Variants in KCNC4 observed in about 807,000 individuals in gnomAD.
The protein encoded by KCNC4 is potassium voltage-gated channel subfamily C member 4, also known as voltage-gated potassium channel KCNC4.
A neutral mutation model predicts 42.8 loss-of-function variants in KCNC4; 23 were observed. That is an observed-to-expected ratio of 0.54 (90% CI 0.39 to 0.76). The LOEUF (loss-of-function observed/expected upper bound fraction) is 0.76. Among genes scored for constraint, KCNC4 ranks in the 30% least tolerant of loss-of-function variants. The pLI is 0.00. For synonymous variants in KCNC4, 422 were observed against 393.5 expected (o/e 1.07, Z -0.86); for missense variants, 751 against 898.2 (o/e 0.84, Z 2.10).
chr1:110,227,537 C>T (rs938492144), intron 3 of KCNC4, among the ~76,000 whole-genome samples: 7 of 152,250 alleles, frequency 4.6e-5, no homozygotes, highest in Admixed American at 3.3e-4. Flanking sequence ...TCTACCCTCG[C>T]CTGTGTTCCT....
intron 1 of KCNC4, among the ~76,000 whole-genome samples, chr1:110,217,348 T>C (rs1657853048): frequency 6.6e-6 from 1 of 152,208 alleles, no homozygotes; most frequent in East Asian, 1.9e-4. Context: ...TGTAGGATAC[T>C]GACTTAGTGC....
At chr1:110,275,361 A>G (rs1006770294) in intron 1 of KCNC4, among the ~76,000 whole-genome samples, 5 of 152,178 alleles carry the variant, frequency 3.3e-5, no homozygotes, top group African/African-American at 1.2e-4. Context: ...TCAAAAAAAT[A>G]GATGTTGGTG....
chr1:110,226,220 G>T, intron 3 of KCNC4, 42 bp downstream of exon 3: 1 of 1,584,832 alleles, frequency 6.3e-7, no homozygotes, highest in Middle Eastern at 1.7e-4. Flanking sequence ...CCCCCACAGA[G>T]CTGAGTCTCC....
At chr1:110,226,876 C>T (rs552567019) in intron 3 of KCNC4, among the ~76,000 whole-genome samples, 68 of 152,318 alleles carry the variant, frequency 4.5e-4, no homozygotes, top group East Asian at 1.7e-3. Flanking sequence ...CCCAAGCCTG[C>T]GGCAAGGCAA....
intron 1 of KCNC4, among the ~76,000 whole-genome samples, chr1:110,254,925 C>G (rs943205099): frequency 2.0e-5 from 3 of 152,352 alleles, no homozygotes; most frequent in African/African-American, 7.2e-5. Flanking sequence ...CCATTCAATT[C>G]CGTATTAGCT....
chr1:110,224,690 C>T (rs1658293419), intron 2 of KCNC4: 1 of 152,246 alleles, frequency 6.6e-6, no homozygotes, highest in Non-Finnish European at 1.5e-5. Context: ...GAAAGCTCAT[C>T]TCCGCCCCTG....
At chr1:110,261,192 A>T (rs2101075987) in intron 1 of KCNC4, among the ~76,000 whole-genome samples, 1 of 152,336 alleles carries the variant, frequency 6.6e-6, no homozygotes, top group African/African-American at 2.4e-5. Context: ...TGATAAACAT[A>T]TGCGTGAATC....
At chr1:110,241,143 C>G (rs1470166085) in exon 4 of KCNC4, 10 of 152,210 alleles carry the variant, frequency 6.6e-5, no homozygotes, top group Non-Finnish European at 1.5e-4. Flanking sequence ...CTGGGTTTCC[C>G]TGGACAGGAC....
intron 3 of KCNC4, among the ~76,000 whole-genome samples, chr1:110,229,432 C>T (rs1047328005): frequency 2.0e-5 from 3 of 152,160 alleles, no homozygotes; most frequent in Admixed American, 2.0e-4. Flanking sequence ...TCAGTGGTGA[C>T]TCCCACTGGC....
chr1:110,277,087 T>G (rs1659739929), intron 1 of KCNC4, among the ~76,000 whole-genome samples: 1 of 152,246 alleles, frequency 6.6e-6, no homozygotes, highest in South Asian at 2.1e-4. Context: ...AAATCTAAAT[T>G]TAGCCATCTG....
At chr1:110,229,545 T>A (rs1012117964) in intron 3 of KCNC4, among the ~76,000 whole-genome samples, 4 of 152,006 alleles carry the variant, frequency 2.6e-5, no homozygotes, top group Non-Finnish European at 5.9e-5. Flanking sequence ...TCCCTCAAAC[T>A]CCCAGCCCTG....
intron 1 of KCNC4, among the ~76,000 whole-genome samples, chr1:110,277,898 T>C (rs1357523984): frequency 6.6e-6 from 1 of 152,206 alleles, no homozygotes; most frequent in Non-Finnish European, 1.5e-5. Flanking sequence ...ATGCCTGTAA[T>C]CCCAGCACCT....
rs1658800404 is a variant in KCNC4, at chr1:110,233,249, G to A, written c.*277G>A. ...GTAGTGCACGTGCTATTGGTGGTTTGTCTTCTTTGTTAGGCTGTGTCTCCC... is the reference window on the plus strand; with the variant it reads ...GTAGTGCACGTGCTATTGGTGGTTTATCTTCTTTGTTAGGCTGTGTCTCCC... On this transcript the variant is annotated 3_prime_UTR_variant, in exon 4 of 4. Transcript: ENST00000438661. 2 of 546,592 alleles carry A rather than the reference G, an allele frequency of 3.7e-6. No homozygotes were observed. Among genetic ancestry groups the A allele is most frequent in the Non-Finnish European group, 6.5e-6 (2 of 307,234 alleles). The allele number at this position is 546,592 out of a possible 1,614,324, so 33.9% of individuals were successfully genotyped here. A position where few individuals can be genotyped will look rare whatever the true frequency, so the allele number is the denominator to read the frequency against.
chr1:110,235,780 G>C (rs1658892100), downstream of KCNC4: 1 of 152,232 alleles, frequency 6.6e-6, no homozygotes, highest in African/African-American at 2.4e-5. Flanking sequence ...CTGGTTAAAA[G>C]AACAGGACAT....
downstream of KCNC4, chr1:110,238,979 C>G (rs1031383047): frequency 1.3e-5 from 2 of 152,194 alleles, no homozygotes; most frequent in Non-Finnish European, 2.9e-5. Context: ...TTCTACATTT[C>G]TAGCTCTGCA....
At chr1:110,275,760 C>T (rs1245580337) in intron 1 of KCNC4, among the ~76,000 whole-genome samples, 1 of 151,870 alleles carries the variant, frequency 6.6e-6, no homozygotes, top group African/African-American at 2.4e-5. Flanking sequence ...AGATCGAGAC[C>T]ATTCTGGCTA....
chr1:110,214,153 A>T (rs1657654528), intron 1 of KCNC4, among the ~76,000 whole-genome samples: 2 of 152,332 alleles, frequency 1.3e-5, no homozygotes, highest in Middle Eastern at 3.4e-3. Context: ...TGCCCCTTTG[A>T]CATGGAATCA....
intron 3 of KCNC4, 128 bp downstream of exon 3, chr1:110,226,306 C>G (rs1391812971): frequency 4.1e-6 from 3 of 737,366 alleles, no homozygotes; most frequent in Admixed American, 4.1e-5. Context: ...CTTGGATGCA[C>G]CCCCACTTTT....
At chr1:110,220,536 CTAAT>C (rs1409937361) in intron 1 of KCNC4, 2 of 142,168 alleles carry the variant, frequency 1.4e-5, no homozygotes, top group Non-Finnish European at 3.0e-5. Context: ...TTCCAAGTCA[CTAAT>C]TAACTTCACG....
Sources: allele counts gnomAD v4.1 joint callset (sites outside exome capture counted in the v4.1 genomes callset), GRCh38; gene constraint gnomAD v4.1.1; transcripts MANE v1.5; gene names NCBI Gene and HGNC (gene_info 2026-07-23, HGNC 2026-07-21).